Variants in DNAI2 observed in about 807,000 individuals in gnomAD.
The protein encoded by DNAI2 is dynein axonemal intermediate chain 2.
In DNAI2, 63 loss-of-function variants were observed where a neutral mutation model predicts 74.7. The ratio of observed to expected loss-of-function variants is 0.84; its 90% CI spans 0.69 to 1.04. DNAI2 has a LOEUF of 1.04. Ranked by LOEUF, DNAI2 falls within the 50% of genes least tolerant of loss-of-function variation. DNAI2 has a pLI of 0.00. For synonymous variants in DNAI2, 289 were observed against 314.9 expected, an observed-to-expected ratio of 0.92 and a Z score of 0.87; for missense variants, 688 against 803.2, an observed-to-expected ratio of 0.86 and a Z score of 1.73.
chr17:74,287,149 ATGGGCGCCTCCAAAGGCAAC>A, intron 4 of DNAI2, 51 bp downstream of exon 4: 1 of 1,606,994 alleles, frequency 6.2e-7, no homozygotes, highest in Non-Finnish European at 8.5e-7. Context: ...ACCCCCATGC[ATGGGCGCCTCCAAAGGCAAC>A]TCCTTGCCAT....
intron 8 of DNAI2, among the ~76,000 whole-genome samples, chr17:74,303,819 A>G (rs1453709284): frequency 6.6e-6 from 1 of 152,092 alleles, no homozygotes; most frequent in African/African-American, 2.4e-5. Context: ...TGTTTTTTAA[A>G]AAAATAAAAA....
In DNAI2 at chr17:74,276,335, C is replaced by T. The variant is rs563808276; in HGVS notation, c.-12+1990C>T. Among the ~76,000 whole-genome samples, 36 of 152,310 alleles carry T rather than the reference C, an allele frequency of 2.4e-4. No individual in the cohort carries two copies. The South Asian group carries it at 7.0e-3, about 30-fold the overall frequency. ...TGCGTGTTCCTGTGTTTGAGACTCA[C>T]AGTGGTGTTCTTCACGCCTCTGGGA... On this transcript the variant is annotated intron_variant, in intron 1 of 13. Coordinates refer to ENST00000311014, the MANE Select transcript of DNAI2 (RefSeq NM_023036.6).
At chr17:74,312,938 G>A (rs928227897) in intron 12 of DNAI2, among the ~76,000 whole-genome samples, 7 of 152,202 alleles carry the variant, frequency 4.6e-5, no homozygotes, top group African/African-American at 7.2e-5. Context: ...AAAGAGCAGC[G>A]TGGAAGGGAA....
At position 74,287,028 on chromosome 17, in the gene DNAI2, T is replaced by C; in HGVS notation, c.397T>C (p.Tyr133His). 6.2e-7 allele frequency: 1 copy of C among 1,613,314 alleles called. No individual in the cohort carries two copies. The change falls in exon 4 of 14, where the codon TAT (tyrosine) becomes CAT (histidine). Residue 133 changes from tyrosine (Y) to histidine (H), a missense_variant. Coordinates refer to ENST00000311014, the MANE Select transcript of DNAI2 (RefSeq NM_023036.6). ...CAATGCCATTGACATCTATGAAGAG[T>C]ATTTCAATGACGAGGAGGCCATGGA... ...QNNAIDIYEE[Y>H]FNDEEAMEVM...
chr17:74,296,316 AGAGAGAGAGAGAGAGAG>A (rs931457658), intron 6 of DNAI2, among the ~76,000 whole-genome samples: 31 of 97,658 alleles, frequency 3.2e-4, no homozygotes, highest in African/African-American at 7.3e-4. Context: ...CTTTAAAGAG[AGAGAGAGAGAGAGAGAG>A]GAGAGAGAGA....
intron 6 of DNAI2, among the ~76,000 whole-genome samples, chr17:74,295,404 A>G (rs974044192): frequency 1.3e-5 from 2 of 152,186 alleles, no homozygotes; most frequent in Non-Finnish European, 2.9e-5. Flanking sequence ...TCTGTCTTCA[A>G]AAATAATAAT....
chr17:74,302,397 A>G (rs1032189492), intron 8 of DNAI2, among the ~76,000 whole-genome samples: 6 of 152,116 alleles, frequency 3.9e-5, no homozygotes, highest in Non-Finnish European at 8.8e-5. Flanking sequence ...GAGAAACCCC[A>G]TCTCTACTAA....
At position 74,285,068 on chromosome 17, in the gene DNAI2, C is replaced by T. The variant is rs376252250; in HGVS notation, c.212C>T (p.Thr71Ile). 6.2e-7 allele frequency: 1 copy of T among 1,614,196 alleles called. No individual in the cohort carries two copies. Among genetic ancestry groups the T allele is most frequent in the South Asian group, 1.1e-5 (1 of 91,088 alleles). ...AACTCAGAGCGGTTTGAGATGGAGA[C>T]CCGGGGAGTTAACCATGTCGAGGGG... ...EANSERFEME[T>I]RGVNHVEGGW... Residue 71 changes from threonine (T) to isoleucine (I), a missense_variant, in exon 3 of 14, where the codon ACC (threonine) becomes ATC (isoleucine). Thr to Ile is a moderately conservative substitution (Grantham distance 89). Transcript: ENST00000311014.
intron 9 of DNAI2, among the ~76,000 whole-genome samples, chr17:74,306,010 A>T (rs2053172101): frequency 6.6e-6 from 1 of 152,096 alleles, no homozygotes; most frequent in South Asian, 2.1e-4. Context: ...CCCCAGGAGG[A>T]GGCAGCATTG....
chr17:74,281,340 C>T lies in DNAI2; in HGVS notation c.-11-467C>T, dbSNP rs922826343. Among the ~76,000 whole-genome samples, 31 of 150,830 alleles carry T rather than the reference C, an allele frequency of 2.1e-4. 1 individual carries two copies. Among genetic ancestry groups the T allele is most frequent in the Admixed American group, 5.9e-4 (9 of 15,148 alleles). On this transcript the variant is annotated intron_variant, in intron 1 of 13. Coordinates refer to ENST00000311014, the MANE Select transcript of DNAI2 (RefSeq NM_023036.6). ...ATGGTGTGATCTCGGCTCACTGCAA[C>T]GTTCTCCTCCCGAGTTCAAGTGATT...
Position 74,281,459 on chromosome 17 carries a change from T to C in DNAI2, c.-11-348T>C, listed in dbSNP as rs1386227029. The C allele has an allele frequency of 1.2e-5, 6 of 498,648 alleles. No individual in the cohort carries two copies. The Admixed American group carries it at 1.4e-4, about 12-fold the overall frequency. The allele number at this position is 498,648 out of a possible 1,614,324, so 30.9% of individuals were successfully genotyped here. ...TTTTTGCAGAGATGGGGTTTCACCA[T>C]GTTGGCCAGGCTGGTCTTGAACTCC... On this transcript the variant is annotated intron_variant, in intron 1 of 13. Transcript: ENST00000311014.
intron 2 of DNAI2, among the ~76,000 whole-genome samples, chr17:74,283,569 C>T (rs2051511152): frequency 6.6e-6 from 1 of 152,064 alleles, no homozygotes; most frequent in South Asian, 2.1e-4. Context: ...GATTGCACCA[C>T]TGCACTCCAG....
chr17:74,291,214 G>A (rs528254413), intron 6 of DNAI2, 81 bp downstream of exon 6: 13 of 1,219,870 alleles, frequency 1.1e-5, no homozygotes, highest in Non-Finnish European at 1.4e-5. Context: ...AGGCTGGAGT[G>A]TAGTGGTGCA....
chr17:74,302,486 G>A (rs995495833), intron 8 of DNAI2, among the ~76,000 whole-genome samples: 5 of 152,146 alleles, frequency 3.3e-5, no homozygotes, highest in Admixed American at 6.5e-5. Context: ...AGAATTGCTT[G>A]AACCTGGGAG....
At chr17:74,290,264 C>T (rs139877506) in intron 5 of DNAI2, among the ~76,000 whole-genome samples, 52 of 152,236 alleles carry the variant, frequency 3.4e-4, no homozygotes, top group African/African-American at 1.2e-3. Context: ...TGCAGTGAGC[C>T]GAGATCATGC....
At chr17:74,286,297 A>AAATAAT (rs10637482) in intron 3 of DNAI2, among the ~76,000 whole-genome samples, 25,860 of 140,404 alleles carry the variant, frequency 0.18, 2,616 homozygotes, top group East Asian at 0.42. Context: ...CTGTGTCTCA[A>AAATAAT]AATAATAATA....
At chr17:74,283,648 A>T (rs1407637167) in intron 2 of DNAI2, among the ~76,000 whole-genome samples, 1 of 152,058 alleles carries the variant, frequency 6.6e-6, no homozygotes, top group Admixed American at 6.6e-5. Flanking sequence ...TAATTTTTAA[A>T]AAATAAAGTG....
intron 11 of DNAI2, among the ~76,000 whole-genome samples, chr17:74,310,408 C>T (rs1319729100): frequency 6.6e-6 from 1 of 151,756 alleles, no homozygotes; most frequent in Admixed American, 6.6e-5. Flanking sequence ...AGTTTTTTAC[C>T]TGTAAATCAA....
At chr17:74,305,534 TA>T in intron 9 of DNAI2, 92 bp downstream of exon 9, 5 of 1,208,936 alleles carry the variant, frequency 4.1e-6, no homozygotes, top group Non-Finnish European at 4.7e-6. Context: ...CGAGCCTCCA[TA>T]TGTAAAATGG....
Sources: gnomAD v4.1 joint callset for allele counts (sites outside exome capture counted in the v4.1 genomes callset) on GRCh38, gnomAD v4.1.1 for gene constraint, MANE v1.5 for transcripts, NCBI Gene and HGNC (gene_info 2026-07-23, HGNC 2026-07-21) for gene names.